TMEM181: variants seen among roughly 807,000 people sequenced by gnomAD.
TMEM181 encodes the protein G protein-coupled receptor 178.
In TMEM181, 39 loss-of-function variants were observed where a neutral mutation model predicts 71.9. The ratio of observed to expected loss-of-function variants is 0.54; its 90% CI spans 0.42 to 0.71. The LOEUF is 0.71. TMEM181 is among the 30% of genes least tolerant of loss of function. TMEM181 has a pLI of 0.00. For missense variants in TMEM181, 595 were observed against 583.0 expected (o/e 1.02, Z -0.21); for synonymous variants, 245 against 228.8 (o/e 1.07, Z -0.64).
At chr6:158,628,103 A>G (rs1786431193) in intron 13 of TMEM181, among the ~76,000 whole-genome samples, 2 of 152,186 alleles carry the variant, frequency 1.3e-5, no homozygotes, top group Admixed American at 6.5e-5. Flanking sequence ...GAAATGTGCC[A>G]AGGAGGCTTC....
upstream of TMEM181, among the ~76,000 whole-genome samples, chr6:158,559,797 C>T (rs1782044683): frequency 6.6e-6 from 1 of 152,232 alleles, no homozygotes; most frequent in Non-Finnish European, 1.5e-5. Context: ...CGTGGACTCC[C>T]GAGGCCCATC....
At chr6:158,591,382 GCT>G (rs1784100408) in intron 6 of TMEM181, among the ~76,000 whole-genome samples, 1 of 152,116 alleles carries the variant, frequency 6.6e-6, no homozygotes, top group Admixed American at 6.5e-5. Context: ...AGCTGAGCCG[GCT>G]CTCTCGGGAG....
intron 1 of TMEM181, among the ~76,000 whole-genome samples, chr6:158,539,889 G>A (rs1323955987): frequency 6.6e-6 from 1 of 152,096 alleles, no homozygotes; most frequent in Non-Finnish European, 1.5e-5. Flanking sequence ...TTCCACATCA[G>A]GATAAAGAAA....
At chr6:158,595,584 A>G (rs184104820) in intron 6 of TMEM181, among the ~76,000 whole-genome samples, 1 of 152,374 alleles carries the variant, frequency 6.6e-6, no homozygotes, top group East Asian at 1.9e-4. Flanking sequence ...ATATAATGGA[A>G]TACTATATAG....
At chr6:158,550,758 TAGA>T (rs966395310) in intron 1 of TMEM181, among the ~76,000 whole-genome samples, 7 of 152,068 alleles carry the variant, frequency 4.6e-5, no homozygotes, top group African/African-American at 1.7e-4. Flanking sequence ...TGGAGAAATC[TAGA>T]AGAATTCAGG....
At chr6:158,611,358 C>T in intron 10 of TMEM181, 1 of 529,144 alleles carries the variant, frequency 1.9e-6, no homozygotes, top group South Asian at 1.4e-5. Flanking sequence ...CCTCTCCCTT[C>T]CTTTTCGGCA....
At chr6:158,603,905 C>T (rs952417853) in intron 6 of TMEM181, among the ~76,000 whole-genome samples, 1 of 152,124 alleles carries the variant, frequency 6.6e-6, no homozygotes. Flanking sequence ...GAGCTTTGTT[C>T]TGGGACGTTG....
upstream of TMEM181, among the ~76,000 whole-genome samples, chr6:158,557,502 GTAAT>G (rs1017488746): frequency 7.5e-5 from 7 of 93,088 alleles, no homozygotes; most frequent in Non-Finnish European, 1.3e-4. Context: ...TATCACAGCT[GTAAT>G]TATTTATTTA....
At chr6:158,610,331 A>G in intron 10 of TMEM181, 1 of 290,220 alleles carries the variant, frequency 3.4e-6, no homozygotes, top group Non-Finnish European at 7.0e-6. Flanking sequence ...TTCTCTTTCA[A>G]CAGCTCCCCC....
At chr6:158,572,463 C>A (rs1322759937) in intron 1 of TMEM181, 1 of 456,594 alleles carries the variant, frequency 2.2e-6, no homozygotes, top group Non-Finnish European at 4.4e-6. Flanking sequence ...GCCGCACGTC[C>A]CTCTGGTCTG....
At chr6:158,619,867 C>CAAAA (rs61626531) in intron 10 of TMEM181, among the ~76,000 whole-genome samples, 2 of 67,706 alleles carry the variant, frequency 3.0e-5, no homozygotes, top group African/African-American at 1.2e-4. Context: ...GACTCCGTCT[C>CAAAA]AAAAAAAAAA....
chr6:158,578,538 G>C (rs926032475), intron 2 of TMEM181, among the ~76,000 whole-genome samples: 2 of 152,140 alleles, frequency 1.3e-5, no homozygotes, highest in African/African-American at 2.4e-5. Flanking sequence ...ATAAAGATAG[G>C]CTTTTGTCAC....
chr6:158,596,353 G>A (rs1291309639), intron 6 of TMEM181, among the ~76,000 whole-genome samples: 1 of 152,178 alleles, frequency 6.6e-6, no homozygotes, highest in Non-Finnish European at 1.5e-5. Context: ...CAGCAGTGCC[G>A]TGTGTGGCTG....
At chr6:158,578,051 T>A (rs550611020) in intron 2 of TMEM181, among the ~76,000 whole-genome samples, 114 of 152,018 alleles carry the variant, frequency 7.5e-4, no homozygotes, top group Non-Finnish European at 9.4e-4. Flanking sequence ...GATCGCGCCA[T>A]TGCACTCCAG....
intron 6 of TMEM181, among the ~76,000 whole-genome samples, chr6:158,603,655 T>C (rs573014088): frequency 1.9e-4 from 29 of 151,034 alleles, no homozygotes; most frequent in African/African-American, 6.8e-4. Flanking sequence ...CATTTACCAA[T>C]CTCTGTCGTG....
In TMEM181 at chr6:158,635,283, C is replaced by T. The variant is rs1786895666; in HGVS notation, c.*3395C>T. On this transcript the variant is annotated 3_prime_UTR_variant, in exon 17 of 17. Coordinates refer to ENST00000684151, the MANE Select transcript of TMEM181 (RefSeq NM_001376852.1). Reference sequence around the variant, plus strand: ...ATAGAGCCATGTGTTCAGTTGTGGACCTGTCCGTGGGGCACAGTGCCACCC... The same window carrying T: ...ATAGAGCCATGTGTTCAGTTGTGGATCTGTCCGTGGGGCACAGTGCCACCC... 6.6e-6 allele frequency: 1 copy of T among 152,210 alleles called. No homozygotes were observed. 9.4% of individuals were successfully genotyped at this position (152,210 alleles called of 1,614,324 possible).
chr6:158,593,866 C>G (rs917669477), intron 6 of TMEM181, among the ~76,000 whole-genome samples: 1 of 152,092 alleles, frequency 6.6e-6, no homozygotes, highest in Admixed American at 6.5e-5. Context: ...GCATCTCGCA[C>G]CAAAGTGGTA....
chr6:158,542,059 C>T (rs1247748947), intron 1 of TMEM181, among the ~76,000 whole-genome samples: 2 of 151,988 alleles, frequency 1.3e-5, no homozygotes, highest in Non-Finnish European at 2.9e-5. Context: ...GCATGCGCCA[C>T]TATGCGTGGC....
chr6:158,586,058 G>A (rs1165547947), intron 5 of TMEM181, among the ~76,000 whole-genome samples: 1 of 152,144 alleles, frequency 6.6e-6, no homozygotes, highest in African/African-American at 2.4e-5. Context: ...GCCCTAATCC[G>A]TCTGTGTGAA....
Sources: gnomAD v4.1 joint callset for allele counts (sites outside exome capture counted in the v4.1 genomes callset) on GRCh38, gnomAD v4.1.1 for gene constraint, MANE v1.5 for transcripts, NCBI Gene and HGNC (gene_info 2026-07-23, HGNC 2026-07-21) for gene names.